Variants in LHFPL3 observed in about 807,000 individuals in gnomAD.
LHFPL3 encodes the protein LHFPL tetraspan subfamily member 3 protein.
A neutral mutation model predicts 19.3 loss-of-function variants in LHFPL3; 5 were observed. That is an observed-to-expected ratio of 0.26 (90% CI 0.14 to 0.54). LHFPL3 has a LOEUF of 0.54. LHFPL3 is among the 20% of genes least tolerant of loss of function. The probability of loss-of-function intolerance (pLI) is 0.94; values close to 1 mark genes in which losing one functional copy is unlikely to be tolerated. For missense variants in LHFPL3, 249 were observed against 307.4 expected (o/e 0.81, Z 1.42); for synonymous variants, 133 against 126.2 (o/e 1.05, Z -0.36).
At chr7:104,646,979 C>T (rs1213777058) in intron 1 of LHFPL3, among the ~76,000 whole-genome samples, 2 of 152,184 alleles carry the variant, frequency 1.3e-5, no homozygotes, top group Non-Finnish European at 2.9e-5. Context: ...ACTAGAACAG[C>T]CTTATAAACA....
chr7:104,361,342 G>A (rs888863287), intron 1 of LHFPL3, among the ~76,000 whole-genome samples: 2 of 152,098 alleles, frequency 1.3e-5, no homozygotes, highest in Non-Finnish European at 2.9e-5. Context: ...ATTGATTTTT[G>A]TTGTTACTTT....
chr7:104,355,696 T>C (rs1472010324), intron 1 of LHFPL3, among the ~76,000 whole-genome samples: 1 of 152,220 alleles, frequency 6.6e-6, no homozygotes, highest in East Asian at 1.9e-4. Flanking sequence ...TGCCCTCCAT[T>C]GTAGCTCCCC....
intron 2 of LHFPL3, among the ~76,000 whole-genome samples, chr7:104,789,160 A>C (rs1250869627): frequency 6.6e-6 from 1 of 152,210 alleles, no homozygotes; most frequent in Non-Finnish European, 1.5e-5. Context: ...ACAGCTCCTC[A>C]CATGCTTACC....
At chr7:104,421,832 A>G (rs1791738768) in intron 1 of LHFPL3, among the ~76,000 whole-genome samples, 1 of 152,182 alleles carries the variant, frequency 6.6e-6, no homozygotes, top group South Asian at 2.1e-4. Flanking sequence ...CTAACTTCCA[A>G]TGTGATGGTG....
At chr7:104,530,760 G>T (rs568764910) in intron 1 of LHFPL3, among the ~76,000 whole-genome samples, 82 of 152,292 alleles carry the variant, frequency 5.4e-4, no homozygotes, top group African/African-American at 1.7e-3. Context: ...ACTAAAATCT[G>T]TCTTTCTACC....
chr7:104,567,816 G>C (rs1323681969), intron 1 of LHFPL3, among the ~76,000 whole-genome samples: 1 of 152,156 alleles, frequency 6.6e-6, no homozygotes, highest in Non-Finnish European at 1.5e-5. Flanking sequence ...TGGACATAGT[G>C]CTACTGCAGA....
chr7:104,721,386 C>T (rs532793886), intron 1 of LHFPL3, among the ~76,000 whole-genome samples: 3 of 151,772 alleles, frequency 2.0e-5, no homozygotes, highest in South Asian at 2.1e-4. Flanking sequence ...TGGGGCCTGT[C>T]GGGGAGTGGG....
intron 1 of LHFPL3, among the ~76,000 whole-genome samples, chr7:104,481,942 G>A (rs927424176): frequency 6.6e-5 from 10 of 152,084 alleles, no homozygotes; most frequent in African/African-American, 2.4e-4. Context: ...CCTCTGTAAC[G>A]ATGCATCTAA....
At chr7:104,518,987 C>A (rs1257145303) in intron 1 of LHFPL3, among the ~76,000 whole-genome samples, 2 of 152,030 alleles carry the variant, frequency 1.3e-5, no homozygotes, top group African/African-American at 2.4e-5. Context: ...TGGGGAGATA[C>A]ATGAGGAAAA....
intron 1 of LHFPL3, among the ~76,000 whole-genome samples, chr7:104,422,302 A>T (rs547650518): frequency 6.6e-6 from 1 of 152,188 alleles, no homozygotes; most frequent in Non-Finnish European, 1.5e-5. Context: ...TGGAGGTTGC[A>T]GTGAGCCGAG....
intron 1 of LHFPL3, among the ~76,000 whole-genome samples, chr7:104,346,745 G>A (rs549272891): frequency 6.6e-6 from 1 of 151,710 alleles, no homozygotes; most frequent in African/African-American, 2.4e-5. Flanking sequence ...CACTCCTCCT[G>A]TTCTTCTTTC....
chr7:104,544,359 A>G (rs1366769638), intron 1 of LHFPL3, among the ~76,000 whole-genome samples: 1 of 152,196 alleles, frequency 6.6e-6, no homozygotes, highest in Non-Finnish European at 1.5e-5. Flanking sequence ...AACCACTAGC[A>G]CAAGACACTT....
chr7:104,843,385 C>G (rs1562811849), intron 2 of LHFPL3, among the ~76,000 whole-genome samples: 1 of 152,220 alleles, frequency 6.6e-6, no homozygotes, highest in Non-Finnish European at 1.5e-5. Flanking sequence ...TTGCTGCCCT[C>G]TGTGTTTCAG....
chr7:104,772,997 G>C (rs112392674), intron 2 of LHFPL3, among the ~76,000 whole-genome samples: 5 of 152,244 alleles, frequency 3.3e-5, no homozygotes, highest in African/African-American at 1.2e-4. Flanking sequence ...GCTGAGGCAG[G>C]TTTTTCTTTT....
chr7:104,400,390 T>C (rs1022811487), intron 1 of LHFPL3, among the ~76,000 whole-genome samples: 2 of 152,158 alleles, frequency 1.3e-5, no homozygotes, highest in African/African-American at 4.8e-5. Flanking sequence ...AATGGGAGAA[T>C]ATAATTAATC....
At chr7:104,712,998 G>T (rs933774629) in intron 1 of LHFPL3, among the ~76,000 whole-genome samples, 2 of 152,162 alleles carry the variant, frequency 1.3e-5, no homozygotes, top group African/African-American at 4.8e-5. Flanking sequence ...TTGGGCATGG[G>T]AAATGTATGT....
chr7:104,680,999 T>C (rs1334042529), intron 1 of LHFPL3, among the ~76,000 whole-genome samples: 3 of 152,310 alleles, frequency 2.0e-5, no homozygotes, highest in East Asian at 1.9e-4. Context: ...TCCTATTTCA[T>C]ATAGAGAAGT....
intron 1 of LHFPL3, among the ~76,000 whole-genome samples, chr7:104,736,342 C>A (rs1255436520): frequency 6.6e-6 from 1 of 152,176 alleles, no homozygotes; most frequent in Non-Finnish European, 1.5e-5. Context: ...TGTAATGGAA[C>A]CCTTCCCACA....
intron 1 of LHFPL3, among the ~76,000 whole-genome samples, chr7:104,340,955 G>C (rs1789934189): frequency 1.3e-5 from 2 of 152,180 alleles, no homozygotes. Flanking sequence ...TTTTAATTGT[G>C]TTAAGACCTG....
Sources: allele counts gnomAD v4.1 joint callset (sites outside exome capture counted in the v4.1 genomes callset), GRCh38; gene constraint gnomAD v4.1.1; transcripts MANE v1.5; gene names NCBI Gene and HGNC (gene_info 2026-07-23, HGNC 2026-07-21).